TRPM3: variants seen among roughly 807,000 people sequenced by gnomAD.
The protein encoded by TRPM3 is long transient receptor potential channel 3.
In TRPM3, 77 loss-of-function variants were observed where a neutral mutation model predicts 181.2. The observed-to-expected ratio is 0.42, with a 90% CI of 0.35 to 0.51. The LOEUF is 0.51. Among genes scored for constraint, TRPM3 ranks in the 20% least tolerant of loss-of-function variants. The pLI, the probability that TRPM3 is intolerant of heterozygous loss-of-function variation, is 0.01. For missense variants in TRPM3, 1,759 were observed against 2,196.7 expected (o/e 0.80, Z 3.98); for synonymous variants, 745 against 796.4 (o/e 0.94, Z 1.09).
At chr9:71,374,964 C>T (rs2092627519) in intron 1 of TRPM3, among the ~76,000 whole-genome samples, 2 of 152,164 alleles carry the variant, frequency 1.3e-5, no homozygotes, top group African/African-American at 4.8e-5. Context: ...AATGGAAAAA[C>T]ATTCCATGCT....
chr9:71,336,135 G>C (rs1032586964), intron 1 of TRPM3, among the ~76,000 whole-genome samples: 1 of 150,004 alleles, frequency 6.7e-6, no homozygotes, highest in African/African-American at 2.5e-5. Flanking sequence ...AAGTAGGACA[G>C]TTTCATAACA....
At chr9:70,650,077 G>A (rs909168203) in intron 9 of TRPM3, among the ~76,000 whole-genome samples, 6 of 152,110 alleles carry the variant, frequency 3.9e-5, no homozygotes, top group African/African-American at 1.4e-4. Flanking sequence ...AAATGTCAAT[G>A]TTCTCACTTA....
At chr9:71,071,283 G>A (rs1300815506) in intron 1 of TRPM3, among the ~76,000 whole-genome samples, 1 of 152,056 alleles carries the variant, frequency 6.6e-6, no homozygotes, top group Non-Finnish European at 1.5e-5. Context: ...TGCAAGCCCT[G>A]GACTGTTCCT....
intron 1 of TRPM3, among the ~76,000 whole-genome samples, chr9:70,951,238 A>T (rs1466748192): frequency 6.6e-6 from 1 of 152,202 alleles, no homozygotes; most frequent in African/African-American, 2.4e-5. Flanking sequence ...GGTAAATAAC[A>T]TTTCTTTTAA....
chr9:71,436,598 C>T (rs1167529925), intron 1 of TRPM3, among the ~76,000 whole-genome samples: 2 of 152,112 alleles, frequency 1.3e-5, no homozygotes, highest in Non-Finnish European at 1.5e-5. Context: ...CCACCACTCC[C>T]GGCCTAAACC....
chr9:71,362,927 T>G (rs1018596825), intron 1 of TRPM3, among the ~76,000 whole-genome samples: 2 of 152,158 alleles, frequency 1.3e-5, no homozygotes, highest in African/African-American at 4.8e-5. Context: ...TGGTATTTCA[T>G]TGGGATTGCT....
chr9:70,681,603 T>A (rs1296635548), intron 8 of TRPM3, 25 bp from the exon 9 acceptor site: 11 of 1,604,702 alleles, frequency 6.9e-6, no homozygotes, highest in Non-Finnish European at 9.4e-6. Context: ...AAGGTGATCA[T>A]TAGCAAAGCA....
chr9:71,271,382 A>T (rs1009939791), intron 1 of TRPM3, among the ~76,000 whole-genome samples: 1 of 152,156 alleles, frequency 6.6e-6, no homozygotes, highest in African/African-American at 2.4e-5. Context: ...TTTATGCCTA[A>T]ATTGGGTCAT....
intron 1 of TRPM3, among the ~76,000 whole-genome samples, chr9:70,963,317 A>G (rs544828168): frequency 9.2e-5 from 14 of 152,322 alleles, no homozygotes; most frequent in African/African-American, 3.4e-4. Flanking sequence ...CATTTCTCCC[A>G]TTTTACAGCT....
At chr9:70,617,458 G>C (rs1564574346) in intron 17 of TRPM3, among the ~76,000 whole-genome samples, 1 of 152,244 alleles carries the variant, frequency 6.6e-6, no homozygotes, top group East Asian at 1.9e-4. Context: ...AGGTCAAAGG[G>C]AACAAAGTTG....
chr9:70,974,104 T>C (rs1290449360), intron 1 of TRPM3, among the ~76,000 whole-genome samples: 2 of 152,218 alleles, frequency 1.3e-5, no homozygotes, highest in Middle Eastern at 3.2e-3. Context: ...TCAGTCATTA[T>C]AGTTTGAAGG....
intron 25 of TRPM3, among the ~76,000 whole-genome samples, chr9:70,546,303 A>G (rs74723025): frequency 0.02 from 3,051 of 152,276 alleles, 115 homozygotes; most frequent in African/African-American, 0.068. Flanking sequence ...TTAGAAGTGC[A>G]ATTTTCAGGC....
intron 1 of TRPM3, among the ~76,000 whole-genome samples, chr9:71,421,809 C>A (rs2093779599): frequency 6.6e-6 from 1 of 151,932 alleles, no homozygotes; most frequent in African/African-American, 2.4e-5. Flanking sequence ...CTAAACATAG[C>A]AAAACGTAGA....
intron 1 of TRPM3, among the ~76,000 whole-genome samples, chr9:71,270,595 C>G (rs1257427102): frequency 6.6e-6 from 1 of 152,154 alleles, no homozygotes; most frequent in Non-Finnish European, 1.5e-5. Context: ...ATTCACTTAA[C>G]TGATTCCTTG....
intron 22 of TRPM3, among the ~76,000 whole-genome samples, chr9:70,588,594 G>A (rs61365917): frequency 6.6e-6 from 1 of 152,152 alleles, no homozygotes; most frequent in Admixed American, 6.5e-5. Context: ...TGGGACTGGA[G>A]ACCCTGGGAA....
intron 1 of TRPM3, among the ~76,000 whole-genome samples, chr9:71,209,448 A>C (rs1196197064): frequency 6.6e-6 from 1 of 152,090 alleles, no homozygotes; most frequent in Non-Finnish European, 1.5e-5. Flanking sequence ...TATCAAATTA[A>C]TTGGACCAAA....
chr9:71,133,913 T>G (rs948347760), intron 1 of TRPM3, among the ~76,000 whole-genome samples: 2 of 152,100 alleles, frequency 1.3e-5, no homozygotes, highest in African/African-American at 4.8e-5. Context: ...AAACCACCTC[T>G]GCTGCATTCT....
chr9:70,611,005 A>G (rs916949132), intron 18 of TRPM3, among the ~76,000 whole-genome samples: 3 of 152,096 alleles, frequency 2.0e-5, no homozygotes, highest in African/African-American at 4.8e-5. Context: ...ATTCTAGAAG[A>G]TGTGGGTTAT....
At chr9:70,908,783 T>C (rs978514161) in intron 1 of TRPM3, among the ~76,000 whole-genome samples, 3 of 152,084 alleles carry the variant, frequency 2.0e-5, no homozygotes, top group Admixed American at 2.0e-4. Flanking sequence ...AATAGAATAA[T>C]AGACCAATGG....
Sources: gnomAD v4.1 joint callset for allele counts (sites outside exome capture counted in the v4.1 genomes callset) on GRCh38, gnomAD v4.1.1 for gene constraint, MANE v1.5 for transcripts, NCBI Gene and HGNC (gene_info 2026-07-23, HGNC 2026-07-21) for gene names.